Variants in CYRIA observed in about 807,000 individuals in gnomAD.
The protein encoded by CYRIA is CYFIP related Rac1 interactor A.
CYRIA carries 15 observed loss-of-function variants against 43.9 expected under a neutral mutation model. The observed-to-expected ratio is 0.34, with a 90% CI of 0.23 to 0.53. The LOEUF is 0.53. Ranked by LOEUF, CYRIA falls within the 20% of genes least tolerant of loss-of-function variation. CYRIA has a pLI of 0.94. For missense variants in CYRIA, 236 were observed against 394.2 expected, an observed-to-expected ratio of 0.60 and a Z score of 3.40; for synonymous variants, 117 against 136.0, an observed-to-expected ratio of 0.86 and a Z score of 0.97.
At chr2:16,587,931 A>C in intron 3 of CYRIA, 119 bp downstream of exon 3, 1 of 649,628 alleles carries the variant, frequency 1.5e-6, no homozygotes, top group South Asian at 2.1e-5. Context: ...AGAACAGACT[A>C]ATACAGTGAC....
intron 3 of CYRIA, among the ~76,000 whole-genome samples, chr2:16,565,996 G>C (rs1666918027): frequency 6.6e-6 from 1 of 152,112 alleles, no homozygotes; most frequent in Non-Finnish European, 1.5e-5. Context: ...CATAAAACAA[G>C]CACACAGGAG....
rs1553337513 is a variant in CYRIA at position 16,550,311 on chromosome 2, A to AAT, written c.*2624_*2625insAT. On this transcript the variant is annotated 3_prime_UTR_variant, in exon 12 of 12. Transcript: ENST00000381323. ...AAAAACCAAAAACAAAGCCAAAAAA[A>AAT]AAAAAATCCCAAACACAACAATCCA... 2.6e-5 allele frequency: 4 copies of AAT among 151,836 alleles called. No homozygotes were observed. Among genetic ancestry groups the AAT allele is most frequent in the African/African-American group, 7.3e-5 (3 of 41,300 alleles). 9.4% of individuals were successfully genotyped at this position (151,836 alleles called of 1,614,324 possible).
At position 16,559,451 on chromosome 2, in the gene CYRIA, T is replaced by G. The variant is rs770961198; in HGVS notation, c.837+9A>C. The G allele has an allele frequency of 6.2e-7, 1 of 1,611,138 alleles. No homozygotes were observed. The highest frequency in any genetic ancestry group is 8.5e-7 in the Non-Finnish European group (1 of 1,178,820). Reference sequence around the variant, plus strand: ...TTATTTGGAAAGCACATTTCACAACTATTCTTACATCGATCTTGGATGTCT... The same window carrying G: ...TTATTTGGAAAGCACATTTCACAACGATTCTTACATCGATCTTGGATGTCT... On this transcript the variant is annotated intron_variant, in intron 10 of 11. Coordinates refer to ENST00000381323, the MANE Select transcript of CYRIA (RefSeq NM_030797.4).
rs1327833995 is a variant in CYRIA, at chr2:16,650,439, C to T, written c.-167+15341G>A. ...AACTGCAGATCGATTAAAACACTAG[C>T]AAATCATAAAGGTTTCATTGGTCTC... On this transcript the variant is annotated intron_variant, in intron 1 of 11. Transcript: ENST00000381323. This position sits in a 1 kb window ranked among gnomAD's most constrained non-coding sequence, Gnocchi z 4.1. 1.3e-5 allele frequency among the ~76,000 whole-genome samples: 2 copies of T among 152,166 alleles called. No homozygotes were observed. Among genetic ancestry groups the T allele is most frequent in the Admixed American group, 1.3e-4 (2 of 15,284 alleles).
chr2:16,601,642 C>A (rs1445024907), intron 2 of CYRIA, among the ~76,000 whole-genome samples: 1 of 148,752 alleles, frequency 6.7e-6, no homozygotes, highest in East Asian at 2.0e-4. Context: ...TGAGAGTTGG[C>A]TTTAAGGCTA....
chr2:16,590,706 A>G (rs922426911), intron 2 of CYRIA, among the ~76,000 whole-genome samples: 1 of 152,174 alleles, frequency 6.6e-6, no homozygotes, highest in Non-Finnish European at 1.5e-5. Flanking sequence ...TCATTCTAAC[A>G]TCAACCAAGG....
At chr2:16,647,102 G>C (rs1214831703) in intron 1 of CYRIA, among the ~76,000 whole-genome samples, 1 of 152,054 alleles carries the variant, frequency 6.6e-6, no homozygotes, top group Non-Finnish European at 1.5e-5. Context: ...TCTCCTATTG[G>C]TTCTATTTAT....
chr2:16,579,419 G>GCACACACACACACACACA (rs35850813), intron 3 of CYRIA, among the ~76,000 whole-genome samples: 1 of 147,334 alleles, frequency 6.8e-6, no homozygotes, highest in African/African-American at 2.5e-5. Context: ...ACATGCACAT[G>GCACACACACACACACACA]CACACACACA....
chr2:16,592,211 T>C (rs764535213), intron 2 of CYRIA, among the ~76,000 whole-genome samples: 5 of 152,136 alleles, frequency 3.3e-5, no homozygotes, highest in Non-Finnish European at 5.9e-5. Flanking sequence ...AGGTATGATA[T>C]AAATATTCCA....
In CYRIA at chr2:16,606,369, G is replaced by A. The variant is rs547091562; in HGVS notation, c.-11+17495C>T. On this transcript the variant is annotated intron_variant, in intron 2 of 11. Coordinates refer to ENST00000381323, the MANE Select transcript of CYRIA (RefSeq NM_030797.4). ...CCTCTTCCCGATGCCCTTCTCTTGGGTGTCCTCCTCCTTTCTCTCTCTCCA... is the reference window on the plus strand; with the variant it reads ...CCTCTTCCCGATGCCCTTCTCTTGGATGTCCTCCTCCTTTCTCTCTCTCCA... Among the ~76,000 whole-genome samples, 4 of 146,702 alleles carry A rather than the reference G, an allele frequency of 2.7e-5. No individual in the cohort carries two copies. In the South Asian group the frequency reaches 8.6e-4, roughly 31 times the overall value.
chr2:16,580,111 T>C (rs1188394812), intron 3 of CYRIA, among the ~76,000 whole-genome samples: 1 of 151,892 alleles, frequency 6.6e-6, no homozygotes, highest in East Asian at 1.9e-4. Flanking sequence ...CCATGCCTAA[T>C]TAATTTTTGT....
intron 4 of CYRIA, 63 bp from the exon 5 acceptor site, chr2:16,564,157 C>T: frequency 1.5e-6 from 2 of 1,310,210 alleles, no homozygotes; most frequent in Non-Finnish European, 2.2e-6. Flanking sequence ...TCAAAATGCC[C>T]TAAGATTTAG....
At chr2:16,625,933 T>G (rs1669148850) in intron 1 of CYRIA, among the ~76,000 whole-genome samples, 1 of 152,000 alleles carries the variant, frequency 6.6e-6, no homozygotes, top group Non-Finnish European at 1.5e-5. Context: ...AATGCTGCTA[T>G]TTTCCACCAC....
intron 3 of CYRIA, among the ~76,000 whole-genome samples, chr2:16,586,822 A>G (rs1251136418): frequency 6.6e-6 from 1 of 152,138 alleles, no homozygotes; most frequent in Non-Finnish European, 1.5e-5. Context: ...AGTTTAAAGT[A>G]CATTAGAGTG....
chr2:16,631,719 A>G (rs1019756482), intron 1 of CYRIA, among the ~76,000 whole-genome samples: 1 of 152,220 alleles, frequency 6.6e-6, no homozygotes, highest in Non-Finnish European at 1.5e-5. Flanking sequence ...AGCAAATACT[A>G]CTGCCCTAAA....
At chr2:16,559,207 T>C (rs1023784353) in intron 10 of CYRIA, among the ~76,000 whole-genome samples, 30 of 152,148 alleles carry the variant, frequency 2.0e-4, no homozygotes, top group African/African-American at 6.3e-4. Flanking sequence ...GACTGTTCAT[T>C]TGCTCAGCTC....
At chr2:16,570,690 G>A (rs1402581986) in intron 3 of CYRIA, among the ~76,000 whole-genome samples, 1 of 152,220 alleles carries the variant, frequency 6.6e-6, no homozygotes, top group African/African-American at 2.4e-5. Context: ...GCTGAGTGAA[G>A]AGGAGCTGTG....
At chr2:16,641,438 C>T (rs996267643) in intron 1 of CYRIA, among the ~76,000 whole-genome samples, 1 of 152,108 alleles carries the variant, frequency 6.6e-6, no homozygotes, top group African/African-American at 2.4e-5. Context: ...ATTCTAAATC[C>T]TATCCAGCAT....
At chr2:16,564,142 C>A in intron 4 of CYRIA, 48 bp from the exon 5 acceptor site, 1 of 1,439,830 alleles carries the variant, frequency 6.9e-7, no homozygotes, top group Non-Finnish European at 9.7e-7. Context: ...GTGGTAAGCT[C>A]CACATCAAAA....
Sources: gnomAD v4.1 joint callset for allele counts (sites outside exome capture counted in the v4.1 genomes callset) on GRCh38, gnomAD v4.1.1 for gene constraint, Gnocchi (gnomAD v3.1) non-coding constraint, MANE v1.5 for transcripts, NCBI Gene and HGNC (gene_info 2026-07-23, HGNC 2026-07-21) for gene names.